The following HEATR3 variants were observed in gnomAD, a reference collection of about 807,000 sequenced individuals.
The protein encoded by HEATR3 is HEAT repeat containing 3.
A neutral mutation model predicts 72.8 loss-of-function variants in HEATR3; 56 were observed. The ratio of observed to expected loss-of-function variants is 0.77; its 90% CI spans 0.62 to 0.96. HEATR3 has a LOEUF of 0.96. Ranked by LOEUF, HEATR3 falls within the 40% of genes least tolerant of loss-of-function variation. HEATR3 has a pLI of 0.00. For missense variants in HEATR3, 747 were observed against 831.4 expected (o/e 0.90, Z 1.25); for synonymous variants, 331 against 318.1 (o/e 1.04, Z -0.43).
Position 50,086,239 on chromosome 16 carries a change from C to T in HEATR3, c.1398C>T (p.Ala466=), listed in dbSNP as rs759947537. 3 of 1,579,214 alleles carry T rather than the reference C, an allele frequency of 1.9e-6. No individual in the cohort carries two copies. The South Asian group carries it at 3.4e-5, about 18-fold the overall frequency. The change falls in exon 11 of 15, where the codon GCC becomes GCT. Residue 466 remains alanine, a synonymous_variant. Transcript: ENST00000299192. ...GAATGAACACTATTCAGTGCAGAGCCCTCTTCTGTCTCCAGAGTCTTGTGT... is the reference window on the plus strand; with the variant it reads ...GAATGAACACTATTCAGTGCAGAGCTCTCTTCTGTCTCCAGAGTCTTGTGT... ...IRKMNTIQCR[A]LFCLQSLVSL... is the part of the protein sequence containing the mutation.
intron 10 of HEATR3, among the ~76,000 whole-genome samples, chr16:50,085,710 G>A (rs1406260256): frequency 6.6e-6 from 1 of 152,084 alleles, no homozygotes. Context: ...TCATGAATGA[G>A]TTGTGTATCA....
chr16:50,069,233 C>T (rs1222475475), intron 3 of HEATR3: 1 of 164,338 alleles, frequency 6.1e-6, no homozygotes, highest in Non-Finnish European at 1.3e-5. Context: ...AGGTATTATT[C>T]CCATTTTACA....
At chr16:50,089,461 A>G (rs1189501768) in intron 11 of HEATR3, among the ~76,000 whole-genome samples, 1 of 152,164 alleles carries the variant, frequency 6.6e-6, no homozygotes, top group Non-Finnish European at 1.5e-5. Flanking sequence ...GGGCCATTAC[A>G]ATACCTCTGG....
intron 6 of HEATR3, 85 bp downstream of exon 6, chr16:50,075,796 C>A: frequency 2.6e-6 from 3 of 1,134,314 alleles, no homozygotes; most frequent in South Asian, 1.3e-5. Context: ...TCATTCATTT[C>A]AACACATTAG....
chr16:50,080,750 C>T (rs77871227), intron 7 of HEATR3, among the ~76,000 whole-genome samples: 9,216 of 152,188 alleles, frequency 0.061, 970 homozygotes, highest in African/African-American at 0.21. Context: ...GGATTATAGG[C>T]GTGCACCATG....
intron 7 of HEATR3, among the ~76,000 whole-genome samples, chr16:50,081,515 C>CG (rs1161434659): frequency 6.7e-6 from 1 of 150,204 alleles, no homozygotes; most frequent in African/African-American, 2.5e-5. Context: ...GGTGGTGGGG[C>CG]GGGGGGTAGA....
intron 13 of HEATR3, among the ~76,000 whole-genome samples, chr16:50,101,953 T>C (rs2037375816): frequency 6.6e-6 from 1 of 152,188 alleles, no homozygotes; most frequent in South Asian, 2.1e-4. Flanking sequence ...AATATTTCTA[T>C]GCATCTTGAC....
intron 12 of HEATR3, among the ~76,000 whole-genome samples, chr16:50,096,478 A>G (rs1443437998): frequency 1.3e-5 from 2 of 151,970 alleles, no homozygotes; most frequent in African/African-American, 4.8e-5. Flanking sequence ...GATTTGATTC[A>G]CATACCATGC....
chr16:50,098,542 G>T lies in HEATR3; in HGVS notation c.1600-1688G>T, dbSNP rs2037296929. 2.0e-5 allele frequency among the ~76,000 whole-genome samples: 3 copies of T among 152,006 alleles called. No individual in the cohort carries two copies. In the South Asian group the frequency reaches 6.2e-4, roughly 32 times the overall value. ...GTGGTGGCGGGTGCCTGTAGTTCTG[G>T]CTACTCAGGAGACTGAGGCAGAAGA... On this transcript the variant is annotated intron_variant, in intron 12 of 14. Coordinates refer to ENST00000299192, the MANE Select transcript of HEATR3 (RefSeq NM_182922.4).
In HEATR3 at chr16:50,083,917, CTT is replaced by C. The variant is rs5816672; in HGVS notation, c.1042-5_1042-4del. On this transcript the variant is annotated intron_variant, in intron 7 of 14. Coordinates refer to ENST00000299192, the MANE Select transcript of HEATR3 (RefSeq NM_182922.4). ...CCAACCATTGAGAGTTGGTCATTTA[CTT>C]TTTTTTTTTTTTTTAAGCCCACTGA... The C allele has an allele frequency of 0.11, 135,528 of 1,290,120 alleles. 1 individual carries two copies. The highest frequency in any genetic ancestry group is 0.13 in the South Asian group (9,204 of 71,638). The allele number at this position is 1,290,120 out of a possible 1,614,324, so 79.9% of individuals were successfully genotyped here.
At chr16:50,079,223 T>C (rs1285672899) in intron 7 of HEATR3, among the ~76,000 whole-genome samples, 2 of 152,208 alleles carry the variant, frequency 1.3e-5, no homozygotes, top group Non-Finnish European at 2.9e-5. Context: ...CTAAAGTGAA[T>C]CGTTTTATAT....
intron 11 of HEATR3, among the ~76,000 whole-genome samples, chr16:50,093,208 T>G (rs935726699): frequency 6.6e-6 from 1 of 152,138 alleles, no homozygotes; most frequent in African/African-American, 2.4e-5. Flanking sequence ...AACCTAAAAG[T>G]GGGGGATCGG....
chr16:50,092,302 A>G (rs1037541537), intron 11 of HEATR3, among the ~76,000 whole-genome samples: 6 of 152,010 alleles, frequency 3.9e-5, no homozygotes, highest in Non-Finnish European at 2.9e-5. Flanking sequence ...CTGATTTTTG[A>G]GTGCCTGTTA....
intron 5 of HEATR3, chr16:50,073,625 C>G (rs2036660330): frequency 6.6e-6 from 1 of 151,994 alleles, no homozygotes. Context: ...AACGATTCAG[C>G]CATTTTTAGG....
chr16:50,105,079 C>G lies in HEATR3; in HGVS notation c.*18C>G. On this transcript the variant is annotated 3_prime_UTR_variant, in exon 15 of 15. Transcript: ENST00000299192. ...CTTCTTAAACAATCCAAAAAAGAAA[C>G]CAGTTCTTCCCCCAAAGTATTCAAT... 6.2e-7 allele frequency: 1 copy of G among 1,606,468 alleles called. No individual in the cohort carries two copies. Among genetic ancestry groups the G allele is most frequent in the Non-Finnish European group, 8.5e-7 (1 of 1,177,456 alleles).
In HEATR3 at chr16:50,105,179, A is replaced by C; in HGVS notation, c.*118A>C. 2 of 1,188,262 alleles carry C rather than the reference A, an allele frequency of 1.7e-6. No individual in the cohort carries two copies. Among genetic ancestry groups the C allele is most frequent in the Non-Finnish European group, 2.4e-6 (2 of 845,814 alleles). 73.6% of individuals were successfully genotyped at this position (1,188,262 alleles called of 1,614,324 possible). A position where few individuals can be genotyped will look rare whatever the true frequency, so the allele number is the denominator to read the frequency against. On this transcript the variant is annotated 3_prime_UTR_variant, in exon 15 of 15. Transcript: ENST00000299192. ...ATTTTTTAATGATTACATTCTGTAC[A>C]TTCTGTAAAAACTTCAAAACCTGGC... is the stretch of plus-strand genomic sequence containing the variant.
chr16:50,079,763 C>T (rs75951417), intron 7 of HEATR3, among the ~76,000 whole-genome samples: 2,148 of 152,214 alleles, frequency 0.014, 57 homozygotes, highest in African/African-American at 0.049. Flanking sequence ...CTGTGCTAGA[C>T]GCTGGTGATA....
At chr16:50,104,315 G>T (rs1000667882) in intron 14 of HEATR3, among the ~76,000 whole-genome samples, 13 of 152,096 alleles carry the variant, frequency 8.5e-5, no homozygotes, top group African/African-American at 3.1e-4. Flanking sequence ...ACTGCAGCAC[G>T]GCTCTCTGGC....
intron 12 of HEATR3, among the ~76,000 whole-genome samples, chr16:50,097,923 CAAAAAAA>C (rs1047867647): frequency 1.3e-5 from 1 of 74,800 alleles, no homozygotes; most frequent in Non-Finnish European, 2.8e-5. Flanking sequence ...AACTCCGTCT[CAAAAAAA>C]AAAAAAAAAA....
Sources: gnomAD v4.1 joint callset for allele counts (sites outside exome capture counted in the v4.1 genomes callset) on GRCh38, gnomAD v4.1.1 for gene constraint, MANE v1.5 for transcripts, NCBI Gene and HGNC (gene_info 2026-07-23, HGNC 2026-07-21) for gene names.